Variants in CSPP1 observed in about 807,000 individuals in gnomAD.
CSPP1 encodes centrosome and spindle pole-associated protein 1.
CSPP1 carries 126 observed loss-of-function variants against 164.4 expected under a neutral mutation model. The ratio of observed to expected loss-of-function variants is 0.77; its 90% CI spans 0.66 to 0.89. CSPP1 has a LOEUF of 0.89. Ranked by LOEUF, CSPP1 falls within the 40% of genes least tolerant of loss-of-function variation. The pLI, the probability that CSPP1 is intolerant of heterozygous loss-of-function variation, is 0.00. For missense variants in CSPP1, 1,395 were observed against 1,449.8 expected (o/e 0.96, Z 0.61); for synonymous variants, 472 against 476.7 (o/e 0.99, Z 0.13).
chr8:67,088,713 G>A (rs1286372895), intron 4 of CSPP1, among the ~76,000 whole-genome samples: 1 of 151,156 alleles, frequency 6.6e-6, no homozygotes, highest in African/African-American at 2.4e-5. Flanking sequence ...TGGCTAACAC[G>A]TTGAAACCCC....
At chr8:67,068,127 G>T (rs1309173918) in intron 1 of CSPP1, among the ~76,000 whole-genome samples, 10 of 152,192 alleles carry the variant, frequency 6.6e-5, no homozygotes. Context: ...GGGATTACAG[G>T]CATGGGCCAC....
intron 24 of CSPP1, among the ~76,000 whole-genome samples, chr8:67,170,314 G>A (rs942777566): frequency 1.3e-5 from 2 of 151,278 alleles, no homozygotes; most frequent in Admixed American, 6.6e-5. Flanking sequence ...AAAATTAGCC[G>A]AGTGTGGTGG....
chr8:67,109,397 T>A (rs893342737), intron 9 of CSPP1, among the ~76,000 whole-genome samples: 2 of 152,240 alleles, frequency 1.3e-5, no homozygotes, highest in East Asian at 3.8e-4. Context: ...TTCTAAGGGC[T>A]TTCACCTGAT....
intron 16 of CSPP1, 86 bp downstream of exon 16, chr8:67,132,166 G>A: frequency 7.6e-7 from 1 of 1,317,132 alleles, no homozygotes; most frequent in Admixed American, 2.5e-5. Flanking sequence ...GCCGGGGAGG[G>A]GAAAAAAAAC....
rs559206393 is a variant in CSPP1 at position 67,184,016 on chromosome 8, C to A, written c.3220+4090C>A. Among the ~76,000 whole-genome samples the A allele has an allele frequency of 1.7e-3, 266 of 152,158 alleles. 1 individual carries two copies. Among genetic ancestry groups the A allele is most frequent in the Non-Finnish European group, 3.0e-3 (203 of 67,992 alleles). On this transcript the variant is annotated intron_variant, in intron 28 of 30. Coordinates refer to ENST00000678616, the MANE Select transcript of CSPP1 (RefSeq NM_001382391.1). ...TACAGGCGCCTGCCACCACGCCTGG[C>A]TAATTTTTGTATTTTTAGTAGAGAC...
rs139491415 is a variant in CSPP1, at chr8:67,179,939, A to G, written c.3220+13A>G. ...AGTGCTTTTATTGGTGAGTATATTT[A>G]TTTTATTAAGGCTATATTGTTTAAA... is the stretch of plus-strand genomic sequence containing the variant. On this transcript the variant is annotated intron_variant, in intron 28 of 30. Coordinates refer to ENST00000678616, the MANE Select transcript of CSPP1 (RefSeq NM_001382391.1). 6.2e-3 allele frequency: 8,889 copies of G among 1,424,710 alleles called. 61 individuals carry two copies. The highest frequency in any genetic ancestry group is 9.8e-3 in the Middle Eastern group (56 of 5,708). The allele number at this position is 1,424,710 out of a possible 1,614,324, so 88.3% of individuals were successfully genotyped here. A position where few individuals can be genotyped will look rare whatever the true frequency, so the allele number is the denominator to read the frequency against.
chr8:67,089,139 T>TA (rs936736094), intron 4 of CSPP1, among the ~76,000 whole-genome samples: 44 of 152,066 alleles, frequency 2.9e-4, no homozygotes, highest in Non-Finnish European at 5.1e-4. Flanking sequence ...TTTGAGTTTT[T>TA]AAAAAAAATC....
chr8:67,104,762 C>T (rs543241492), intron 8 of CSPP1, among the ~76,000 whole-genome samples: 59 of 151,372 alleles, frequency 3.9e-4, no homozygotes, highest in Admixed American at 7.2e-4. Context: ...CTCGGCCTCC[C>T]GAGTAGCTGG....
chr8:67,193,010 G>C (rs1204398986), intron 29 of CSPP1, among the ~76,000 whole-genome samples: 1 of 152,194 alleles, frequency 6.6e-6, no homozygotes, highest in African/African-American at 2.4e-5. Flanking sequence ...AGAGTCATCT[G>C]AGCTTGCATG....
In CSPP1 at chr8:67,132,079, A is replaced by C. The variant is rs753533720; in HGVS notation, c.1826A>C (p.Gln609Pro). 6.2e-7 allele frequency: 1 copy of C among 1,612,378 alleles called. No individual in the cohort carries two copies. The highest frequency in any genetic ancestry group is 1.1e-5 in the South Asian group (1 of 90,662). The change falls in exon 16 of 31, where the codon CAG (glutamine) becomes CCG (proline). Residue 609 changes from glutamine (Q) to proline (P), a missense_variant and splice_region_variant. Gln to Pro is a moderately conservative substitution (Grantham distance 76). Transcript: ENST00000678616. ...LQSYQEALQQQIREREERRKK... is the reference protein window; with the variant it reads ...LQSYQEALQQPIREREERRKK... ...TCTTACCAAGAGGCTTTGCAGCAGC[A>C]GGTATTGATTCATTTACTCATTTAC... is the stretch of plus-strand genomic sequence containing the variant.
intron 21 of CSPP1, among the ~76,000 whole-genome samples, chr8:67,159,904 C>CTTTCT (rs1827628268): frequency 1.5e-5 from 1 of 66,864 alleles, no homozygotes; most frequent in East Asian, 3.9e-4. Flanking sequence ...TTCTTTCTTT[C>CTTTCT]TTTCTTTCTT....
chr8:67,079,945 A>G (rs1020028134), intron 3 of CSPP1, among the ~76,000 whole-genome samples: 3 of 152,334 alleles, frequency 2.0e-5, no homozygotes, highest in Non-Finnish European at 4.4e-5. Context: ...GGGTGTGTTG[A>G]CTTTAATTTT....
chr8:67,159,581 G>A (rs1586604031), intron 21 of CSPP1, among the ~76,000 whole-genome samples: 1 of 132,682 alleles, frequency 7.5e-6, no homozygotes, highest in Non-Finnish European at 1.5e-5. Context: ...GGAGTGCAGT[G>A]GCACAATTTT....
At chr8:67,113,004 C>T (rs185097405) in intron 10 of CSPP1, among the ~76,000 whole-genome samples, 128 of 152,188 alleles carry the variant, frequency 8.4e-4, no homozygotes, top group Middle Eastern at 6.8e-3. Flanking sequence ...CCAGCACTTT[C>T]GGAGGCCGAG....
intron 19 of CSPP1, chr8:67,157,488 G>T (rs545086399): frequency 1.4e-4 from 21 of 152,230 alleles, no homozygotes; most frequent in African/African-American, 5.1e-4. Flanking sequence ...TAGAGACGGG[G>T]TTACACCATG....
At chr8:67,112,663 C>T (rs903680144) in intron 10 of CSPP1, among the ~76,000 whole-genome samples, 2 of 152,138 alleles carry the variant, frequency 1.3e-5, no homozygotes, top group African/African-American at 4.8e-5. Context: ...CTACGTCTGA[C>T]CTGGATTGCA....
At chr8:67,077,777 C>T (rs1808272665) in intron 3 of CSPP1, among the ~76,000 whole-genome samples, 1 of 152,168 alleles carries the variant, frequency 6.6e-6, no homozygotes, top group Non-Finnish European at 1.5e-5. Flanking sequence ...TGTAGGTATA[C>T]TCCTAAATTG....
At chr8:67,189,798 A>G (rs1456771633) in intron 28 of CSPP1, among the ~76,000 whole-genome samples, 3 of 152,200 alleles carry the variant, frequency 2.0e-5, no homozygotes, top group African/African-American at 4.8e-5. Context: ...AAAGTAACTA[A>G]TGGTGATTCT....
intron 29 of CSPP1, among the ~76,000 whole-genome samples, chr8:67,191,218 G>A (rs949716223): frequency 3.3e-5 from 5 of 152,212 alleles, no homozygotes; most frequent in African/African-American, 1.2e-4. Context: ...AATATAGCCA[G>A]TAAAAAGTAG....
Sources: gnomAD v4.1 joint callset for allele counts (sites outside exome capture counted in the v4.1 genomes callset) on GRCh38, gnomAD v4.1.1 for gene constraint, MANE v1.5 for transcripts, NCBI Gene and HGNC (gene_info 2026-07-23, HGNC 2026-07-21) for gene names.